Variants in BICC1 observed in about 807,000 individuals in gnomAD.
BICC1 encodes the protein BicC family RNA binding protein 1.
In BICC1, 43 loss-of-function variants were observed where a neutral mutation model predicts 111.0. The ratio of observed to expected loss-of-function variants is 0.39; its 90% CI spans 0.30 to 0.50. The LOEUF (loss-of-function observed/expected upper bound fraction) is 0.50, where lower values mean the gene tolerates loss of function less well. BICC1 is among the 20% of genes least tolerant of loss of function. BICC1 has a pLI of 0.88. For synonymous variants in BICC1, 467 were observed against 434.4 expected, an observed-to-expected ratio of 1.07 and a Z score of -0.93; for missense variants, 1,091 against 1,203.2, an observed-to-expected ratio of 0.91 and a Z score of 1.38.
At chr10:58,659,778 G>T (rs1468397551) in intron 2 of BICC1, among the ~76,000 whole-genome samples, 1 of 152,076 alleles carries the variant, frequency 6.6e-6, no homozygotes, top group Non-Finnish European at 1.5e-5. Flanking sequence ...AAAAGTAGAA[G>T]CCCAGAAAAT....
chr10:58,754,391 C>T (rs1487956171), intron 3 of BICC1, among the ~76,000 whole-genome samples: 1 of 152,192 alleles, frequency 6.6e-6, no homozygotes, highest in Non-Finnish European at 1.5e-5. Flanking sequence ...CAAATTCTGT[C>T]AGCAAACTGG....
chr10:58,557,902 A>G (rs1843497501), intron 1 of BICC1, among the ~76,000 whole-genome samples: 1 of 152,060 alleles, frequency 6.6e-6, no homozygotes, highest in Non-Finnish European at 1.5e-5. Context: ...GAGGCCAGAC[A>G]TTGTAATATT....
chr10:58,696,509 G>A (rs1377196242), intron 2 of BICC1, among the ~76,000 whole-genome samples: 2 of 152,084 alleles, frequency 1.3e-5, no homozygotes, highest in African/African-American at 4.8e-5. Context: ...TATAGGAAAT[G>A]AGCACAGTAA....
chr10:58,715,564 G>A (rs1375832840), intron 3 of BICC1: 20 of 1,545,586 alleles, frequency 1.3e-5, no homozygotes, highest in African/African-American at 5.4e-5. Flanking sequence ...ATGGGGAAGC[G>A]GGACAATCGG....
intron 18 of BICC1, among the ~76,000 whole-genome samples, chr10:58,815,786 T>G (rs1396060598): frequency 1.3e-5 from 2 of 152,224 alleles, no homozygotes; most frequent in East Asian, 3.8e-4. Flanking sequence ...CATTTGTTTT[T>G]AAAATTGTTA....
intron 3 of BICC1, among the ~76,000 whole-genome samples, chr10:58,743,516 AG>A (rs1473261978): frequency 6.6e-6 from 1 of 151,782 alleles, no homozygotes; most frequent in Non-Finnish European, 1.5e-5. Context: ...GTAAGTTTAA[AG>A]GAAAAGATGA....
At chr10:58,774,098 C>G (rs1842687700) in intron 3 of BICC1, among the ~76,000 whole-genome samples, 1 of 152,188 alleles carries the variant, frequency 6.6e-6, no homozygotes, top group Admixed American at 6.5e-5. Context: ...GCCCTCTGTT[C>G]CAACCTTGTC....
intron 4 of BICC1, 126 bp downstream of exon 4, chr10:58,785,206 G>A (rs1021576792): frequency 1.4e-5 from 7 of 511,596 alleles, no homozygotes; most frequent in Non-Finnish European, 2.1e-5. Context: ...TTTAAAATAA[G>A]CACATGTGAT....
In BICC1 at chr10:58,767,521, A is replaced by G. The variant is rs546146772; in HGVS notation, c.308-17480A>G. Among the ~76,000 whole-genome samples the G allele has an allele frequency of 1.1e-4, 17 of 152,250 alleles. No individual in the cohort carries two copies. In the South Asian group the frequency reaches 3.1e-3, roughly 28 times the overall value. On this transcript the variant is annotated intron_variant, in intron 3 of 20. Transcript: ENST00000373886. ...AGCAACACAGGACTTCACAGAACAC[A>G]CACACGCAGAAACCCGACACCAGCA...
intron 3 of BICC1, among the ~76,000 whole-genome samples, chr10:58,722,425 A>G (rs1386144922): frequency 6.6e-6 from 1 of 152,194 alleles, no homozygotes; most frequent in Non-Finnish European, 1.5e-5. Context: ...GGGAGAACAC[A>G]TATTGTTTGT....
intron 20 of BICC1, among the ~76,000 whole-genome samples, chr10:58,825,141 T>C (rs1003376407): frequency 3.3e-5 from 5 of 152,134 alleles, no homozygotes; most frequent in Non-Finnish European, 5.9e-5. Context: ...TTTTACTAGA[T>C]TAATTTTTTA....
intron 19 of BICC1, 149 bp from the exon 20 acceptor site, chr10:58,820,220 C>T: frequency 1.9e-6 from 1 of 533,990 alleles, no homozygotes; most frequent in Non-Finnish European, 3.3e-6. Flanking sequence ...TTTCTTAATT[C>T]TTGTTTCTTA....
intron 15 of BICC1, among the ~76,000 whole-genome samples, chr10:58,805,565 A>G (rs191641529): frequency 1.3e-5 from 2 of 152,360 alleles, no homozygotes; most frequent in Admixed American, 6.5e-5. Context: ...GGCTTTCCTG[A>G]CACATGGCTA....
At chr10:58,599,046 TTGG>T (rs1844933885) in intron 1 of BICC1, among the ~76,000 whole-genome samples, 1 of 152,198 alleles carries the variant, frequency 6.6e-6, no homozygotes, top group African/African-American at 2.4e-5. Flanking sequence ...TTTTACACTG[TTGG>T]TGGACGTGTA....
At chr10:58,512,708 C>G (rs1202385252), upstream of BICC1, among the ~76,000 whole-genome samples, 3 of 151,776 alleles carry the variant, frequency 2.0e-5, no homozygotes, top group Non-Finnish European at 4.4e-5. Context: ...GCAGTGTGTA[C>G]GTGGTGTGTG....
At chr10:58,538,554 G>T (rs1842882311) in intron 1 of BICC1, among the ~76,000 whole-genome samples, 1 of 151,694 alleles carries the variant, frequency 6.6e-6, no homozygotes, top group South Asian at 2.1e-4. Context: ...CCTAAGCAAA[G>T]AATTTATGAA....
chr10:58,779,825 C>G (rs538633204), intron 3 of BICC1, among the ~76,000 whole-genome samples: 2 of 152,162 alleles, frequency 1.3e-5, no homozygotes, highest in African/African-American at 4.8e-5. Flanking sequence ...CCTAGCTTTT[C>G]CCTATATGAT....
chr10:58,718,780 G>A (rs558025061), intron 3 of BICC1, among the ~76,000 whole-genome samples: 9 of 151,696 alleles, frequency 5.9e-5, no homozygotes, highest in East Asian at 1.9e-4. Flanking sequence ...GCGCGCGTGC[G>A]CGCGTGCGCA....
At chr10:58,710,910 A>G (rs961784962) in intron 3 of BICC1, among the ~76,000 whole-genome samples, 1 of 152,098 alleles carries the variant, frequency 6.6e-6, no homozygotes, top group Non-Finnish European at 1.5e-5. Flanking sequence ...GTGCAGTGGC[A>G]TGATCATAGC....
Sources: gnomAD v4.1 joint callset for allele counts (sites outside exome capture counted in the v4.1 genomes callset) on GRCh38, gnomAD v4.1.1 for gene constraint, MANE v1.5 for transcripts, NCBI Gene and HGNC (gene_info 2026-07-23, HGNC 2026-07-21) for gene names.